The following PROS1 variants were observed in gnomAD, a reference collection of about 807,000 sequenced individuals.
PROS1 encodes the protein vitamin K-dependent protein S.
Under a neutral mutation model 75.9 loss-of-function variants are expected in PROS1, and 29 were observed. The ratio of observed to expected loss-of-function variants is 0.38; its 90% confidence interval spans 0.28 to 0.52. PROS1 has a LOEUF of 0.52. Ranked by LOEUF, PROS1 falls within the 20% of genes least tolerant of loss-of-function variation. PROS1 has a pLI of 0.83. For missense variants in PROS1, 680 were observed against 810.3 expected (o/e 0.84, Z 1.95); for synonymous variants, 245 against 280.6 (o/e 0.87, Z 1.27).
intron 1 of PROS1, among the ~76,000 whole-genome samples, chr3:93,946,860 TATC>T (rs1709410106): frequency 7.8e-6 from 1 of 127,720 alleles, no homozygotes. Context: ...AAAAAAAAAC[TATC>T]ATCAGAGTGA....
chr3:93,918,926 GTAAATGGTTTTGTGT>G (rs1708903380), intron 3 of PROS1, among the ~76,000 whole-genome samples: 1 of 151,884 alleles, frequency 6.6e-6, no homozygotes, highest in Non-Finnish European at 1.5e-5. Context: ...TTTCACGTGT[GTAAATGGTTTTGTGT>G]TATATATCAC....
chr3:93,957,150 A>T (rs1276236984), intron 1 of PROS1, among the ~76,000 whole-genome samples: 1 of 152,194 alleles, frequency 6.6e-6, no homozygotes, highest in Admixed American at 6.5e-5. Context: ...AAGGAAAATT[A>T]TGTATCTATT....
At chr3:93,913,042 A>G (rs1559937197) in intron 3 of PROS1, among the ~76,000 whole-genome samples, 1 of 152,144 alleles carries the variant, frequency 6.6e-6, no homozygotes, top group Non-Finnish European at 1.5e-5. Context: ...TTGAATTCTA[A>G]TCCTCCACAA....
chr3:93,914,819 A>T (rs1576191916), intron 3 of PROS1, among the ~76,000 whole-genome samples: 2 of 152,144 alleles, frequency 1.3e-5, no homozygotes, highest in South Asian at 2.1e-4. Context: ...TTTATCTTTC[A>T]CCCCACCTCC....
chr3:93,890,998 G>A (rs1002851664), intron 10 of PROS1, among the ~76,000 whole-genome samples: 47 of 152,060 alleles, frequency 3.1e-4, no homozygotes, highest in African/African-American at 9.9e-4. Flanking sequence ...CCAGCTACTC[G>A]AGAGGCTGAG....
At chr3:93,937,427 G>C (rs987129343) in intron 1 of PROS1, among the ~76,000 whole-genome samples, 1 of 150,728 alleles carries the variant, frequency 6.6e-6, no homozygotes, top group Non-Finnish European at 1.5e-5. Flanking sequence ...GAGTGCAGTG[G>C]CATGATCTCT....
At chr3:93,917,686 C>T (rs934456422) in intron 3 of PROS1, among the ~76,000 whole-genome samples, 16 of 152,118 alleles carry the variant, frequency 1.1e-4, no homozygotes, top group African/African-American at 3.6e-4. Context: ...TCGGAGCAGC[C>T]GGCCGGCCCT....
intron 10 of PROS1, among the ~76,000 whole-genome samples, chr3:93,891,998 A>G (rs901270134): frequency 9.2e-5 from 14 of 152,086 alleles, no homozygotes; most frequent in South Asian, 2.1e-4. Context: ...ATTGTTGGCA[A>G]TTGAGGAGTT....
At chr3:93,875,929 C>T (rs987086591) in intron 14 of PROS1, among the ~76,000 whole-genome samples, 4 of 152,098 alleles carry the variant, frequency 2.6e-5, no homozygotes, top group African/African-American at 9.7e-5. Context: ...ATATTGGTGC[C>T]AATTTCATAT....
At chr3:93,884,541 G>A (rs1428322999) in intron 12 of PROS1, among the ~76,000 whole-genome samples, 187 bp downstream of exon 12, 1 of 152,124 alleles carries the variant, frequency 6.6e-6, no homozygotes. Context: ...ACATTCAAAT[G>A]CCTTTATATT....
intron 10 of PROS1, among the ~76,000 whole-genome samples, chr3:93,890,615 C>T (rs4857466): frequency 0.16 from 24,888 of 152,004 alleles, 2,653 homozygotes; most frequent in Non-Finnish European, 0.23. Context: ...CTCAGCCAGC[C>T]GACACTTATG....
At chr3:93,915,121 C>T (rs1346778850) in intron 3 of PROS1, among the ~76,000 whole-genome samples, 1 of 152,166 alleles carries the variant, frequency 6.6e-6, no homozygotes, top group East Asian at 1.9e-4. Context: ...AATTGTAAAT[C>T]CAAGCTTTAA....
intron 1 of PROS1, among the ~76,000 whole-genome samples, chr3:93,945,654 G>T (rs910868781): frequency 1.3e-5 from 2 of 152,096 alleles, no homozygotes; most frequent in Non-Finnish European, 2.9e-5. Context: ...TTGATGGGAC[G>T]TATCTCAAAA....
chr3:93,916,025 T>G (rs1169260851), intron 3 of PROS1, among the ~76,000 whole-genome samples: 2 of 152,170 alleles, frequency 1.3e-5, no homozygotes, highest in Admixed American at 6.5e-5. Context: ...AAAAAAATTA[T>G]TTTTTACAGT....
At chr3:93,932,008 T>C (rs1483483350) in intron 1 of PROS1, among the ~76,000 whole-genome samples, 2 of 152,242 alleles carry the variant, frequency 1.3e-5, no homozygotes, top group African/African-American at 2.4e-5. Context: ...GCCAGAAAGA[T>C]ACAGGCATGA....
chr3:93,954,558 C>G (rs1056952180), intron 1 of PROS1, among the ~76,000 whole-genome samples: 1 of 152,120 alleles, frequency 6.6e-6, no homozygotes, highest in South Asian at 2.1e-4. Context: ...TTCCTTACAC[C>G]TTATACAAAA....
chr3:93,882,482 A>G (rs1434242952), intron 12 of PROS1, among the ~76,000 whole-genome samples: 4 of 152,170 alleles, frequency 2.6e-5, no homozygotes, highest in South Asian at 4.1e-4. Context: ...TCTTGAAACT[A>G]TCAAAGAGCT....
At chr3:93,952,012 A>C (rs931595863) in intron 1 of PROS1, among the ~76,000 whole-genome samples, 1 of 152,260 alleles carries the variant, frequency 6.6e-6, no homozygotes, top group African/African-American at 2.4e-5. Context: ...TAAAGGGATC[A>C]ATTCAACAAG....
chr3:93,951,941 G>C (rs762533342), intron 1 of PROS1, among the ~76,000 whole-genome samples: 3 of 152,100 alleles, frequency 2.0e-5, no homozygotes, highest in Admixed American at 6.5e-5. Context: ...CCTAGTCTCT[G>C]ATAAAACAGA....
Sources: gnomAD v4.1 joint callset for allele counts (sites outside exome capture counted in the v4.1 genomes callset) on GRCh38, gnomAD v4.1.1 for gene constraint, MANE v1.5 for transcripts, NCBI Gene and HGNC (gene_info 2026-07-23, HGNC 2026-07-21) for gene names.